SYNE1: variants seen among roughly 807,000 people sequenced by gnomAD.
The protein encoded by SYNE1 is spectrin repeat containing nuclear envelope protein 1, also known as nesprin-1.
In SYNE1, 616 loss-of-function variants were observed where a neutral mutation model predicts 1,111.0. The ratio of observed to expected loss-of-function variants is 0.55; its 90% confidence interval spans 0.52 to 0.59. SYNE1 has a LOEUF of 0.59. Ranked by LOEUF, SYNE1 falls within the 20% of genes least tolerant of loss-of-function variation. The probability of loss-of-function intolerance (pLI) is 0.00; values close to 1 mark genes in which losing one functional copy is unlikely to be tolerated. For synonymous variants in SYNE1, 3,855 were observed against 3,825.8 expected, an observed-to-expected ratio of 1.01 and a Z score of -0.28; for missense variants, 10,006 against 10,417.0, an observed-to-expected ratio of 0.96 and a Z score of 1.72.
At chr6:152,321,473 A>G in intron 83 of SYNE1, 83 bp from the exon 84 acceptor site, 1 of 1,510,196 alleles carries the variant, frequency 6.6e-7, no homozygotes, top group Non-Finnish European at 9.0e-7. Context: ...TTTCATCAAC[A>G]TATAATTAAG....
At chr6:152,401,062 T>A in intron 47 of SYNE1, 76 bp downstream of exon 47, 1 of 1,469,398 alleles carries the variant, frequency 6.8e-7, no homozygotes, top group Non-Finnish European at 9.5e-7. Context: ...AGGTTATATT[T>A]TTTATTATAG....
At chr6:152,428,462 C>T (rs2098393985) in intron 36 of SYNE1, 70 bp from the exon 37 acceptor site, 18 of 1,467,374 alleles carry the variant, frequency 1.2e-5, no homozygotes, top group Non-Finnish European at 1.5e-5. Flanking sequence ...TCTTTGACAC[C>T]GATCATCGCA....
At chr6:152,145,453 G>A in intron 137 of SYNE1, 1 of 1,602,344 alleles carries the variant, frequency 6.2e-7, no homozygotes, top group Non-Finnish European at 8.5e-7. Flanking sequence ...ATACAGGGGA[G>A]GGAGGGAGGC....
intron 95 of SYNE1, among the ~76,000 whole-genome samples, chr6:152,292,988 A>C (rs1420431282): frequency 2.0e-5 from 3 of 152,230 alleles, no homozygotes; most frequent in Admixed American, 2.0e-4. Flanking sequence ...ATGCATTTTA[A>C]CTTGACACAT....
At chr6:152,409,461 C>A (rs1278434851) in intron 43 of SYNE1, 98 bp downstream of exon 43, 1 of 1,494,436 alleles carries the variant, frequency 6.7e-7, no homozygotes, top group African/African-American at 1.4e-5. Context: ...TTACCCACAT[C>A]TAAGTATACT....
chr6:152,469,313 T>A (rs2098791146), intron 16 of SYNE1, among the ~76,000 whole-genome samples: 1 of 151,818 alleles, frequency 6.6e-6, no homozygotes, highest in Non-Finnish European at 1.5e-5. Flanking sequence ...TTCCTACCAT[T>A]TCATTATTAT....
intron 67 of SYNE1, among the ~76,000 whole-genome samples, chr6:152,354,060 A>C (rs1447632842): frequency 2.0e-5 from 3 of 152,138 alleles, no homozygotes; most frequent in Non-Finnish European, 4.4e-5. Flanking sequence ...GAATCGCTTG[A>C]ACCCAGGCTA....
chr6:152,411,967 C>T (rs1053009953), intron 42 of SYNE1, among the ~76,000 whole-genome samples: 6 of 152,022 alleles, frequency 3.9e-5, no homozygotes, highest in Non-Finnish European at 8.8e-5. Flanking sequence ...AGATTATTTA[C>T]CCAAATGAAA....
At chr6:152,124,638 A>G (rs1371906687) in intron 145 of SYNE1, among the ~76,000 whole-genome samples, 1 of 152,210 alleles carries the variant, frequency 6.6e-6, no homozygotes. Context: ...TCTAGTGGTC[A>G]AACTGATTAA....
rs1375175941 is a variant in SYNE1, at chr6:152,255,762, C to T, written c.19105-16G>A. On this transcript the variant is annotated splice_polypyrimidine_tract_variant and intron_variant, in intron 102 of 145. Transcript: ENST00000367255. The stretch of plus-strand genomic sequence containing the variant: ...CCCCTCCACTCTGGGAAACACAAAA[C>T]AGGGTCAAATAATCAATTTCAGTGT... 14 of 1,614,088 alleles carry T rather than the reference C, an allele frequency of 8.7e-6. No individual in the cohort carries two copies. Among genetic ancestry groups the T allele is most frequent in the Non-Finnish European group, 1.2e-5 (14 of 1,179,936 alleles).
rs370869057 is a variant in SYNE1 at position 152,533,036 on chromosome 6, A to G, written c.130-6861T>C. ...ACCAGATCAAGTAAATCATGATTAT[A>G]ACCACTGACAGTAGTCAAATAAAAT... On this transcript the variant is annotated intron_variant, in intron 4 of 145. Transcript: ENST00000367255. 7.9e-5 allele frequency among the ~76,000 whole-genome samples: 12 copies of G among 152,318 alleles called. No individual in the cohort carries two copies. The East Asian group carries it at 2.1e-3, about 27-fold the overall frequency.
chr6:152,598,191 T>C (rs569889961), intron 3 of SYNE1, among the ~76,000 whole-genome samples: 3 of 152,228 alleles, frequency 2.0e-5, no homozygotes, highest in Non-Finnish European at 1.5e-5. Flanking sequence ...GGGAGGTAAT[T>C]GAATCATGGG....
intron 126 of SYNE1, among the ~76,000 whole-genome samples, chr6:152,202,273 GGAGGCAGAAGTTGCAGTGAGCT>G (rs934661421): frequency 5.4e-5 from 8 of 147,558 alleles, no homozygotes; most frequent in African/African-American, 2.0e-4. Flanking sequence ...CTTGAACCCA[GGAGGCAGAAGTTGCAGTGAGCT>G]GAGATCACAC....
Position 152,300,789 on chromosome 6 carries a change from G to A in SYNE1, c.17542-8C>T, listed in dbSNP as rs765529697. 20 of 1,614,184 alleles carry A rather than the reference G, an allele frequency of 1.2e-5. No individual in the cohort carries two copies. Among genetic ancestry groups the A allele is most frequent in the East Asian group, 4.5e-5 (2 of 44,876 alleles). On this transcript the variant is annotated splice_region_variant and splice_polypyrimidine_tract_variant and intron_variant, in intron 92 of 145. Coordinates refer to ENST00000367255, the MANE Select transcript of SYNE1 (RefSeq NM_182961.4). ...ACAGCGACCTGCAGTCATCTGCCAC[G>A]TAAAATGTAGCCCAAAGGACATGAA...
intron 101 of SYNE1, among the ~76,000 whole-genome samples, chr6:152,261,779 A>G (rs942280935): frequency 6.6e-6 from 1 of 152,236 alleles, no homozygotes; most frequent in Non-Finnish European, 1.5e-5. Flanking sequence ...GTTTAGGCTA[A>G]TAAGGAATCA....
chr6:152,232,685 A>C (rs1165370841), intron 112 of SYNE1, among the ~76,000 whole-genome samples: 3 of 152,202 alleles, frequency 2.0e-5, no homozygotes, highest in Admixed American at 6.5e-5. Flanking sequence ...ACCACACTAC[A>C]AGCTATCATT....
intron 131 of SYNE1, among the ~76,000 whole-genome samples, chr6:152,159,288 T>C (rs922921872): frequency 6.6e-5 from 10 of 152,320 alleles, no homozygotes; most frequent in Non-Finnish European, 7.3e-5. Flanking sequence ...CTGTGTGGTG[T>C]GGACTCTGAT....
chr6:152,584,297 C>T (rs768710165), intron 3 of SYNE1, among the ~76,000 whole-genome samples: 14 of 151,988 alleles, frequency 9.2e-5, no homozygotes, highest in Non-Finnish European at 1.8e-4. Flanking sequence ...ATCACAAAAT[C>T]GGATCATACT....
intron 63 of SYNE1, among the ~76,000 whole-genome samples, chr6:152,362,967 GCCTCC>G (rs1310983200): frequency 6.6e-6 from 1 of 151,014 alleles, no homozygotes; most frequent in Non-Finnish European, 1.5e-5. Context: ...TGCAAGCTCT[GCCTCC>G]CGGGTTCACG....
Sources: allele counts gnomAD v4.1 joint callset (sites outside exome capture counted in the v4.1 genomes callset), GRCh38; gene constraint gnomAD v4.1.1; transcripts MANE v1.5; gene names NCBI Gene and HGNC (gene_info 2026-07-23, HGNC 2026-07-21).